TNIP2: variants seen among roughly 807,000 people sequenced by gnomAD.
TNIP2 encodes the protein TNFAIP3-interacting protein 2.
A neutral mutation model predicts 43.7 loss-of-function variants in TNIP2; 30 were observed. The ratio of observed to expected loss-of-function variants is 0.69; its 90% CI spans 0.51 to 0.93. The LOEUF (loss-of-function observed/expected upper bound fraction) is 0.93. Ranked by LOEUF, TNIP2 falls within the 40% of genes least tolerant of loss-of-function variation. The probability of loss-of-function intolerance (pLI) is 0.00; values close to 1 mark genes in which losing one functional copy is unlikely to be tolerated. For missense variants in TNIP2, 599 were observed against 591.0 expected (o/e 1.01, Z -0.14); for synonymous variants, 260 against 254.6 (o/e 1.02, Z -0.20).
intron 1 of TNIP2, among the ~76,000 whole-genome samples, chr4:2,748,360 T>TG (rs1431883530): frequency 6.6e-6 from 1 of 152,054 alleles, no homozygotes; most frequent in East Asian, 1.9e-4. Context: ...TTTTTTTTTT[T>TG]GAGACGGAGT....
At chr4:2,745,587 G>C in intron 2 of TNIP2, 52 bp from the exon 3 acceptor site, 2 of 1,348,964 alleles carry the variant, frequency 1.5e-6, no homozygotes, top group Non-Finnish European at 2.1e-6. Flanking sequence ...CAGCAAGAGG[G>C]GAGAAAGCTA....
intron 1 of TNIP2, among the ~76,000 whole-genome samples, chr4:2,752,937 C>T (rs951239224): frequency 1.3e-5 from 2 of 151,564 alleles, no homozygotes; most frequent in African/African-American, 2.4e-5. Flanking sequence ...GTAGGCTCTT[C>T]GCCTATAGTC....
chr4:2,756,236 G>C lies in TNIP2; in HGVS notation c.54C>G (p.Ala18=), dbSNP rs1722242015. Residue 18 remains alanine (A), a synonymous_variant, in exon 1 of 6, where the codon GCC becomes GCG. Transcript: ENST00000315423. ...GGWEEAPRAA[A]ALCTLYHEAG... ...CCTCGTGGTACAGGGTGCAGAGCGC[G>C]GCAGCTGCGCGCGGGGCCTCCTCCC... 17 of 1,454,662 alleles carry C rather than the reference G, an allele frequency of 1.2e-5. No individual in the cohort carries two copies. Among genetic ancestry groups the C allele is most frequent in the Admixed American group, 2.6e-5 (1 of 39,092 alleles). 90.1% of individuals were successfully genotyped at this position (1,454,662 alleles called of 1,614,324 possible). A position where few individuals can be genotyped will look rare whatever the true frequency, so the allele number is the denominator to read the frequency against.
chr4:2,750,450 AG>A (rs1337011583), intron 1 of TNIP2, among the ~76,000 whole-genome samples: 16 of 149,816 alleles, frequency 1.1e-4, no homozygotes, highest in Admixed American at 1.1e-3. Flanking sequence ...TTTTAGAGAC[AG>A]GGTCTCGCCC....
At chr4:2,751,255 C>G (rs1248502065) in intron 1 of TNIP2, among the ~76,000 whole-genome samples, 1 of 152,234 alleles carries the variant, frequency 6.6e-6, no homozygotes, top group Non-Finnish European at 1.5e-5. Context: ...AAGGTACGAG[C>G]TGGAGTTGTG....
chr4:2,749,966 G>C (rs1251668989), intron 1 of TNIP2, among the ~76,000 whole-genome samples: 1 of 152,052 alleles, frequency 6.6e-6, no homozygotes, highest in East Asian at 1.9e-4. Flanking sequence ...GCATGCCACC[G>C]TACCTGGCTA....
At chr4:2,751,839 C>G (rs1722110362) in intron 1 of TNIP2, among the ~76,000 whole-genome samples, 1 of 151,364 alleles carries the variant, frequency 6.6e-6, no homozygotes, top group Non-Finnish European at 1.5e-5. Flanking sequence ...GGGGCGGTGG[C>G]TCATGCCTGC....
At position 2,744,574 on chromosome 4, in the gene TNIP2, C is replaced by T. The variant is rs1721886002; in HGVS notation, c.907-68G>A. The T allele has an allele frequency of 2.5e-6, 4 of 1,606,344 alleles. No individual in the cohort carries two copies. Among genetic ancestry groups the T allele is most frequent in the South Asian group, 1.1e-5 (1 of 90,736 alleles). ...AAGCGCCCCACCAGGCTTCTCCCAC[C>T]CCCACAGTGACCACTGCCCACTCAG... On this transcript the variant is annotated intron_variant, in intron 4 of 5. Transcript: ENST00000315423. The surrounding 1 kb of genome is among the most constrained non-coding windows in gnomAD (Gnocchi z 5.1).
intron 5 of TNIP2, among the ~76,000 whole-genome samples, chr4:2,743,689 C>T (rs1212986088): frequency 6.6e-6 from 1 of 152,248 alleles, no homozygotes; most frequent in Non-Finnish European, 1.5e-5. Flanking sequence ...GGCATCACTA[C>T]TGTTCAGTCT....
intron 1 of TNIP2, among the ~76,000 whole-genome samples, chr4:2,748,649 C>T (rs1458554222): frequency 7.4e-6 from 1 of 135,124 alleles, no homozygotes; most frequent in African/African-American, 3.2e-5. Flanking sequence ...TGAGCCACCA[C>T]GCCTGGCCCA....
At chr4:2,755,574 C>A (rs1423708486) in intron 1 of TNIP2, among the ~76,000 whole-genome samples, 1 of 145,662 alleles carries the variant, frequency 6.9e-6, no homozygotes, top group Non-Finnish European at 1.5e-5. Context: ...ACGCCTCAAA[C>A]CCCCCAGGAC....
intron 1 of TNIP2, among the ~76,000 whole-genome samples, chr4:2,748,937 C>T (rs1020318547): frequency 1.3e-5 from 2 of 151,974 alleles, no homozygotes; most frequent in Non-Finnish European, 2.9e-5. Context: ...ACTACAGGCA[C>T]GTGCCACCGT....
intron 1 of TNIP2, among the ~76,000 whole-genome samples, chr4:2,749,403 C>T (rs986731705): frequency 5.3e-5 from 8 of 152,242 alleles, no homozygotes; most frequent in Non-Finnish European, 7.3e-5. Context: ...GGAATGAAAC[C>T]TTACTTAGAG....
chr4:2,742,192 C>T lies in TNIP2; in HGVS notation c.*65G>A, dbSNP rs1332843523. ...GCTCAACCCATGGCATCTGAGAGCA[C>T]CCACCCTGTCCCTGAGGGCAGCTGC... is the stretch of plus-strand genomic sequence containing the variant. On this transcript the variant is annotated 3_prime_UTR_variant, in exon 6 of 6. Coordinates refer to ENST00000315423, the MANE Select transcript of TNIP2 (RefSeq NM_024309.4). 2.2e-6 allele frequency: 3 copies of T among 1,378,158 alleles called. No individual in the cohort carries two copies. Among genetic ancestry groups the T allele is most frequent in the African/African-American group, 3.0e-5 (2 of 67,534 alleles). The allele number at this position is 1,378,158 out of a possible 1,614,324, so 85.4% of individuals were successfully genotyped here. A position where few individuals can be genotyped will look rare whatever the true frequency, so the allele number is the denominator to read the frequency against.
intron 5 of TNIP2, among the ~76,000 whole-genome samples, chr4:2,743,869 C>T (rs756919234): frequency 2.6e-5 from 4 of 152,168 alleles, no homozygotes; most frequent in South Asian, 2.1e-4. Flanking sequence ...TTCATCGGTT[C>T]CCATTCATGC....
At chr4:2,746,451 C>G (rs954969296) in intron 2 of TNIP2, among the ~76,000 whole-genome samples, 11 of 152,132 alleles carry the variant, frequency 7.2e-5, no homozygotes, top group Non-Finnish European at 1.3e-4. Context: ...GGAAATGACA[C>G]AGTGACTCAA....
At chr4:2,748,026 ACCTGG>A in intron 1 of TNIP2, 81 bp from the exon 2 acceptor site, 13 of 1,477,456 alleles carry the variant, frequency 8.8e-6, no homozygotes, top group Non-Finnish European at 1.1e-5. Context: ...GCAAAAGAAG[ACCTGG>A]CGTGGATGCC....
At chr4:2,742,664 C>A in intron 5 of TNIP2, 144 bp from the exon 6 acceptor site, 1 of 850,400 alleles carries the variant, frequency 1.2e-6, no homozygotes, top group Middle Eastern at 2.4e-4. Flanking sequence ...GCCCCAGAGC[C>A]CAGACAAGGG....
At chr4:2,747,349 C>A (rs1214304214) in intron 2 of TNIP2, 2 of 347,868 alleles carry the variant, frequency 5.7e-6, no homozygotes, top group Admixed American at 4.2e-5. Flanking sequence ...CCAGGCTCAG[C>A]TCCTCCTCCT....
Sources: gnomAD v4.1 joint callset for allele counts (sites outside exome capture counted in the v4.1 genomes callset) on GRCh38, gnomAD v4.1.1 for gene constraint, Gnocchi (gnomAD v3.1) non-coding constraint, MANE v1.5 for transcripts, NCBI Gene and HGNC (gene_info 2026-07-23, HGNC 2026-07-21) for gene names.